Variants in ARHGEF28 observed in about 807,000 individuals in gnomAD.
ARHGEF28 encodes the protein 190 kDa guanine nucleotide exchange factor.
In ARHGEF28, 152 loss-of-function variants were observed where a neutral mutation model predicts 206.6. The ratio of observed to expected loss-of-function variants is 0.74; its 90% confidence interval spans 0.64 to 0.84. The LOEUF (loss-of-function observed/expected upper bound fraction) is 0.84, where lower values mean the gene tolerates loss of function less well. Ranked by LOEUF, ARHGEF28 falls within the 40% of genes least tolerant of loss-of-function variation. The pLI, the probability that ARHGEF28 is intolerant of heterozygous loss-of-function variation, is 0.00. For missense variants in ARHGEF28, 2,028 were observed against 2,073.2 expected (o/e 0.98, Z 0.42); for synonymous variants, 763 against 776.4 (o/e 0.98, Z 0.29).
intron 4 of ARHGEF28, among the ~76,000 whole-genome samples, chr5:73,767,323 G>GTTACCCA (rs1349510758): frequency 6.6e-6 from 1 of 152,140 alleles, no homozygotes; most frequent in Non-Finnish European, 1.5e-5. Context: ...GTAACAGGCA[G>GTTACCCA]GGGTTGGAAC....
At chr5:73,895,785 G>A (rs890821962) in intron 29 of ARHGEF28, among the ~76,000 whole-genome samples, 4 of 152,142 alleles carry the variant, frequency 2.6e-5, no homozygotes, top group African/African-American at 4.8e-5. Context: ...AGACTGTTTA[G>A]TCCACAAAAC....
Position 73,941,028 on chromosome 5 carries a change from T to C in ARHGEF28, c.*15T>C. On this transcript the variant is annotated 3_prime_UTR_variant, in exon 36 of 36. Transcript: ENST00000513042. ...TTTACCTCTAATTGTGTTGTCATTT[T>C]TCCAAACAAAACAAAACACTGGCAC... 6.8e-7 allele frequency: 1 copy of C among 1,467,070 alleles called. No individual in the cohort carries two copies. Among genetic ancestry groups the C allele is most frequent in the Non-Finnish European group, 9.0e-7 (1 of 1,116,396 alleles). 90.9% of individuals were successfully genotyped at this position (1,467,070 alleles called of 1,614,324 possible). A position where few individuals can be genotyped will look rare whatever the true frequency, so the allele number is the denominator to read the frequency against.
Position 73,887,645 on chromosome 5 carries a change from A to G in ARHGEF28, c.3353A>G (p.Gln1118Arg). ...LLLTDVLLFLQEKDQKYIFAA... is the reference protein window; with the variant it reads ...LLLTDVLLFLREKDQKYIFAA... Reference sequence around the variant, plus strand: ...CTAACTGATGTGCTGCTCTTTTTACAAGAAAAAGACCAGAAATACATCTTT... The same window carrying G: ...CTAACTGATGTGCTGCTCTTTTTACGAGAAAAAGACCAGAAATACATCTTT... Residue 1118 changes from glutamine to arginine, a missense_variant, in exon 26 of 36, where the codon CAA (glutamine) becomes CGA (arginine). Physicochemically the swap from Gln to Arg is conservative, Grantham distance 43. Around this residue, in one of 3 missense-constraint regions of ARHGEF28, gnomAD observed 803 missense variants for 768.0 expected, o/e 1.05. Transcript: ENST00000513042. 1 of 1,574,796 alleles carries G rather than the reference A, an allele frequency of 6.4e-7. No homozygotes were observed. The highest frequency in any genetic ancestry group is 1.3e-5 in the African/African-American group (1 of 74,422).
Position 73,749,889 on chromosome 5 carries a change from A to G in ARHGEF28, c.86A>G (p.Asp29Gly). Reference sequence around the variant, plus strand: ...GACAAAAATGTGTATCTTCCTGAAGATGCTGAGTTTTACTTTACTTATGAC... The same window carrying G: ...GACAAAAATGTGTATCTTCCTGAAGGTGCTGAGTTTTACTTTACTTATGAC... ...KFDKNVYLPEDAEFYFTYDGS... is the reference protein window; with the variant it reads ...KFDKNVYLPEGAEFYFTYDGS... The change falls in exon 3 of 36, where the codon GAT becomes GGT. Residue 29 changes from aspartate (D) to glycine (G), a missense_variant. Asp to Gly is a moderately conservative substitution (Grantham distance 94, BLOSUM62 -1). This residue lies in a region of ARHGEF28 where 1,002 missense variants were observed against 1,015.3 expected (regional missense o/e 0.99). Coordinates refer to ENST00000513042, the MANE Select transcript of ARHGEF28 (RefSeq NM_001177693.2). 1 of 1,614,016 alleles carries G rather than the reference A, an allele frequency of 6.2e-7. No homozygotes were observed. Among genetic ancestry groups the G allele is most frequent in the Non-Finnish European group, 8.5e-7 (1 of 1,179,884 alleles).
chr5:73,834,624 C>T (rs1757503495), intron 10 of ARHGEF28, among the ~76,000 whole-genome samples: 1 of 151,304 alleles, frequency 6.6e-6, no homozygotes, highest in Non-Finnish European at 1.5e-5. Context: ...ACATTTCAGT[C>T]AATGGTGGAA....
chr5:73,894,711 A>ATATTTGGC, intron 29 of ARHGEF28, 136 bp downstream of exon 29: 1 of 1,094,284 alleles, frequency 9.1e-7, no homozygotes, highest in Non-Finnish European at 1.3e-6. Context: ...GCTGGAACTT[A>ATATTTGGC]TATTTCTAGA....
chr5:73,693,989 C>T (rs1274741395), intron 2 of ARHGEF28, among the ~76,000 whole-genome samples: 1 of 152,162 alleles, frequency 6.6e-6, no homozygotes, highest in Non-Finnish European at 1.5e-5. Flanking sequence ...GATGTCAGTT[C>T]CTGGGAAGTC....
intron 7 of ARHGEF28, among the ~76,000 whole-genome samples, chr5:73,790,069 C>T (rs1393069009): frequency 6.6e-6 from 1 of 152,162 alleles, no homozygotes; most frequent in Non-Finnish European, 1.5e-5. Flanking sequence ...TGGCCTGCAG[C>T]AGTCTGGTGT....
At position 73,811,780 on chromosome 5, in the gene ARHGEF28, C is replaced by T. The variant is rs896967120; in HGVS notation, c.1024+16389C>T. ...GGTGGATCACGTGAGGTCAGGAGTT[C>T]GAGACCAGCCTGGCTGACGTAGAAA... On this transcript the variant is annotated intron_variant, in intron 9 of 35. Transcript: ENST00000513042. 1.4e-4 allele frequency among the ~76,000 whole-genome samples: 21 copies of T among 152,080 alleles called. 1 individual carries two copies. In the South Asian group the frequency reaches 3.3e-3, roughly 24 times the overall value.
intron 16 of ARHGEF28, among the ~76,000 whole-genome samples, chr5:73,859,296 G>T (rs573507722): frequency 6.6e-6 from 1 of 152,168 alleles, no homozygotes; most frequent in African/African-American, 2.4e-5. Flanking sequence ...GTAGTGAGGC[G>T]CAGGCAGGTG....
At chr5:73,820,575 G>A (rs1275503548) in intron 9 of ARHGEF28, among the ~76,000 whole-genome samples, 1 of 152,114 alleles carries the variant, frequency 6.6e-6, no homozygotes, top group Admixed American at 6.6e-5. Context: ...TCAGGACCTG[G>A]TGATTCTCCT....
rs201792839 is a variant in ARHGEF28, at chr5:73,780,659, TC to T, written c.841-13del. On this transcript the variant is annotated splice_polypyrimidine_tract_variant and intron_variant, in intron 6 of 35. Transcript: ENST00000513042. The stretch of plus-strand genomic sequence containing the variant: ...TTTCTGTGCTTTTTTGTTTTTTTTT[TC>T]CCCATTGTTTCCTAGGCCTTTGAGC... 582 of 1,539,568 alleles carry T rather than the reference TC, an allele frequency of 3.8e-4. 2 individuals carry two copies. The African/African-American group carries it at 7.5e-3, about 20-fold the overall frequency.
chr5:73,769,439 A>G (rs1753093868), intron 4 of ARHGEF28, among the ~76,000 whole-genome samples: 1 of 152,146 alleles, frequency 6.6e-6, no homozygotes, highest in African/African-American at 2.4e-5. Flanking sequence ...ACTCTTCTTG[A>G]ACTTCATATT....
chr5:73,782,495 A>T (rs934498233), intron 7 of ARHGEF28, among the ~76,000 whole-genome samples: 1 of 152,110 alleles, frequency 6.6e-6, no homozygotes, highest in African/African-American at 2.4e-5. Flanking sequence ...TAGAGAAGGC[A>T]TATTTCTGGT....
chr5:73,692,261 G>A (rs192981973), intron 2 of ARHGEF28, among the ~76,000 whole-genome samples: 63 of 152,168 alleles, frequency 4.1e-4, no homozygotes, highest in Admixed American at 1.3e-4. Context: ...CATCTGCAGA[G>A]GGTGCATGTG....
At chr5:73,817,847 T>G (rs1561426598) in intron 9 of ARHGEF28, among the ~76,000 whole-genome samples, 1 of 151,994 alleles carries the variant, frequency 6.6e-6, no homozygotes, top group Non-Finnish European at 1.5e-5. Context: ...CTACCTTGGG[T>G]TCAAAAGGTG....
At chr5:73,704,624 C>T (rs1265251830) in intron 2 of ARHGEF28, among the ~76,000 whole-genome samples, 2 of 152,066 alleles carry the variant, frequency 1.3e-5, no homozygotes, top group Non-Finnish European at 2.9e-5. Flanking sequence ...GGGGTTTTGT[C>T]ATGTTGGCCA....
At chr5:73,775,780 C>T (rs1352245911) in intron 5 of ARHGEF28, among the ~76,000 whole-genome samples, 2 of 152,090 alleles carry the variant, frequency 1.3e-5, no homozygotes, top group Non-Finnish European at 2.9e-5. Flanking sequence ...ACCTTATAAG[C>T]CATCCAGAAT....
At chr5:73,751,420 CA>C (rs1323058695) in intron 3 of ARHGEF28, among the ~76,000 whole-genome samples, 1 of 152,130 alleles carries the variant, frequency 6.6e-6, no homozygotes, top group African/African-American at 2.4e-5. Flanking sequence ...AAAACGAAAA[CA>C]AAAACCAAAA....
Sources: gnomAD v4.1 joint callset for allele counts (sites outside exome capture counted in the v4.1 genomes callset) on GRCh38, gnomAD v4.1.1 for gene constraint, gnomAD v4.1.1 regional missense constraint, MANE v1.5 for transcripts, NCBI Gene and HGNC (gene_info 2026-07-23, HGNC 2026-07-21) for gene names.